THADA: variants seen among roughly 807,000 people sequenced by gnomAD.
THADA encodes the protein tRNA (32-2'-O)-methyltransferase regulator THADA.
THADA carries 213 observed loss-of-function variants against 219.8 expected under a neutral mutation model. The observed-to-expected ratio is 0.97, with a 90% CI of 0.87 to 1.09. The LOEUF is 1.09. THADA is among the 50% of genes least tolerant of loss of function. The pLI, the probability that THADA is intolerant of heterozygous loss-of-function variation, is 0.00. For missense variants in THADA, 2,956 were observed against 2,311.3 expected, an observed-to-expected ratio of 1.28 and a Z score of -5.72; for synonymous variants, 1,018 against 828.9, an observed-to-expected ratio of 1.23 and a Z score of -3.92.
At chr2:43,505,965 T>A (rs891899295) in intron 23 of THADA, among the ~76,000 whole-genome samples, 2 of 152,206 alleles carry the variant, frequency 1.3e-5, no homozygotes, top group African/African-American at 4.8e-5. Context: ...ATCTCTAAGG[T>A]CACTTCCACT....
rs1352010400 is a variant in THADA at position 43,248,156 on chromosome 2, TATATATATAGAGAGAGAGAGAGAG to T, written c.5297-15298_5297-15275del. On this transcript the variant is annotated intron_variant, in intron 36 of 37. Transcript: ENST00000405975. ...ATATATATATATATATATATATATA[TATATATATAGAGAGAGAGAGAGAG>T]AGAGAGAGAGAGAGAGAGAGAGAGA... 3.0e-3 allele frequency among the ~76,000 whole-genome samples: 225 copies of T among 75,998 alleles called. 2 individuals carry two copies. Among genetic ancestry groups the T allele is most frequent in the South Asian group, 0.017 (35 of 2,072 alleles). The allele number at this position is 75,998 out of a possible 152,430, so 49.9% of individuals were successfully genotyped here.
At chr2:43,437,763 A>G (rs1442443722) in intron 26 of THADA, among the ~76,000 whole-genome samples, 1 of 152,186 alleles carries the variant, frequency 6.6e-6, no homozygotes, top group Non-Finnish European at 1.5e-5. Flanking sequence ...ACAGCATTGG[A>G]AGATATAGTG....
intron 36 of THADA, among the ~76,000 whole-genome samples, chr2:43,254,263 A>C (rs1268216819): frequency 1.2e-4 from 18 of 152,058 alleles, no homozygotes; most frequent in Admixed American, 1.2e-3. Flanking sequence ...GCCATCTTAA[A>C]CTCCAAGAAA....
chr2:43,554,852 T>C (rs922952730), intron 17 of THADA, among the ~76,000 whole-genome samples: 2 of 152,224 alleles, frequency 1.3e-5, no homozygotes, highest in African/African-American at 2.4e-5. Context: ...TTATCTGAAA[T>C]GCTTGGGACC....
chr2:43,498,505 G>A (rs1455403510), intron 25 of THADA, among the ~76,000 whole-genome samples: 1 of 152,066 alleles, frequency 6.6e-6, no homozygotes, highest in African/African-American at 2.4e-5. Context: ...AGAAACAGAA[G>A]TGCACTATTA....
rs188663883 is a variant in THADA, at chr2:43,572,276, T to A, written c.1909-414A>T. Among the ~76,000 whole-genome samples the A allele has an allele frequency of 3.0e-3, 452 of 152,314 alleles. 8 individuals are homozygous for A. Among genetic ancestry groups the A allele is most frequent in the Non-Finnish European group, 1.7e-3 (113 of 68,028 alleles). On this transcript the variant is annotated intron_variant, in intron 12 of 37. Coordinates refer to ENST00000405975, the MANE Select transcript of THADA (RefSeq NM_022065.5). ...ACTCCTTGCTGAAAACAGAGTAGCTTTGGTTTAGCTTAGTAAAACCAGCTG... is the reference window on the plus strand; with the variant it reads ...ACTCCTTGCTGAAAACAGAGTAGCTATGGTTTAGCTTAGTAAAACCAGCTG...
At chr2:43,276,174 T>C (rs1470402812) in intron 36 of THADA, among the ~76,000 whole-genome samples, 1 of 152,176 alleles carries the variant, frequency 6.6e-6, no homozygotes, top group East Asian at 1.9e-4. Context: ...GTCCTGGAAA[T>C]GTCATTTCTT....
chr2:43,459,824 TTTTAAAAAACTG>T (rs1331922052), intron 26 of THADA, among the ~76,000 whole-genome samples: 1 of 152,190 alleles, frequency 6.6e-6, no homozygotes, highest in Non-Finnish European at 1.5e-5. Context: ...TAGACTTGTT[TTTTAAAAAACTG>T]AGTTTGCCTA....
intron 36 of THADA, among the ~76,000 whole-genome samples, chr2:43,279,531 C>T (rs1454982174): frequency 3.3e-5 from 5 of 152,188 alleles, no homozygotes; most frequent in African/African-American, 7.2e-5. Context: ...CAGCAAACTA[C>T]GGCTAGTAGA....
At chr2:43,248,148 TATATATATATATATATAGAGAGAGAG>T (rs1275903476) in intron 36 of THADA, among the ~76,000 whole-genome samples, 24 of 92,216 alleles carry the variant, frequency 2.6e-4, no homozygotes, top group African/African-American at 9.2e-4. Context: ...TATATATATA[TATATATATATATATATAGAGAGAGAG>T]AGAGAGAGAG....
chr2:43,335,879 A>T (rs1040695057), intron 30 of THADA, among the ~76,000 whole-genome samples: 12 of 151,854 alleles, frequency 7.9e-5, no homozygotes, highest in Non-Finnish European at 1.8e-4. Context: ...CAGGTGGATC[A>T]TGAGGTCAGG....
intron 35 of THADA, among the ~76,000 whole-genome samples, chr2:43,283,912 C>T (rs1000001782): frequency 6.6e-6 from 1 of 152,206 alleles, no homozygotes; most frequent in Admixed American, 6.5e-5. Flanking sequence ...GGTGCAGTGG[C>T]TCATGCCTAT....
At chr2:43,416,655 C>T (rs1007146747) in intron 28 of THADA, among the ~76,000 whole-genome samples, 1 of 152,116 alleles carries the variant, frequency 6.6e-6, no homozygotes, top group South Asian at 2.1e-4. Context: ...CCCCAGGGGA[C>T]ACATCTCATC....
chr2:43,482,604 G>T (rs1486453696), intron 26 of THADA, among the ~76,000 whole-genome samples: 1 of 152,140 alleles, frequency 6.6e-6, no homozygotes, highest in East Asian at 1.9e-4. Flanking sequence ...GTAGAAACCA[G>T]ATTTCTTATT....
intron 30 of THADA, among the ~76,000 whole-genome samples, chr2:43,338,342 G>C (rs929925872): frequency 1.3e-5 from 2 of 152,086 alleles, no homozygotes; most frequent in African/African-American, 2.4e-5. Context: ...ATTTTTAGTA[G>C]AGATGGGTTT....
chr2:43,484,666 C>T (rs1056571167), intron 26 of THADA, among the ~76,000 whole-genome samples: 1 of 151,852 alleles, frequency 6.6e-6, no homozygotes, highest in Admixed American at 6.6e-5. Context: ...TCAGGCATAA[C>T]AAAAAAGCTG....
intron 26 of THADA, among the ~76,000 whole-genome samples, chr2:43,457,792 C>G (rs1406969250): frequency 6.6e-6 from 1 of 152,116 alleles, no homozygotes; most frequent in African/African-American, 2.4e-5. Context: ...AGTCCAATTT[C>G]ATTCTTTTTA....
intron 20 of THADA, among the ~76,000 whole-genome samples, chr2:43,548,044 G>A (rs796589647): frequency 6.6e-6 from 1 of 152,116 alleles, no homozygotes; most frequent in East Asian, 1.9e-4. Flanking sequence ...TGGGTTTTTG[G>A]TGTGGATGTC....
chr2:43,232,792 G>A lies in THADA; in HGVS notation c.5387C>T (p.Ala1796Val). The A allele has an allele frequency of 6.2e-7, 1 of 1,613,478 alleles. No homozygotes were observed. The highest frequency in any genetic ancestry group is 8.5e-7 in the Non-Finnish European group (1 of 1,179,740). ...CDLLQQWDQL[A>V]PGLPILLGWL... ...TCCCAGCAGGATGGGCAGTCCAGGG[G>A]CCAACTGGTCCCACTGCTGGAGCAG... The change falls in exon 37 of 38, where the codon GCC becomes GTC. Residue 1796 changes from alanine to valine, a missense_variant. Ala to Val is a moderately conservative substitution (Grantham distance 64). Coordinates refer to ENST00000405975, the MANE Select transcript of THADA (RefSeq NM_022065.5).
Sources: gnomAD v4.1 joint callset for allele counts (sites outside exome capture counted in the v4.1 genomes callset) on GRCh38, gnomAD v4.1.1 for gene constraint, MANE v1.5 for transcripts, NCBI Gene and HGNC (gene_info 2026-07-23, HGNC 2026-07-21) for gene names.